Variants in A1CF observed in about 807,000 individuals in gnomAD.
A1CF encodes APOBEC-1 stimulating protein.
In A1CF, 48 loss-of-function variants were observed where a neutral mutation model predicts 68.9. The ratio of observed to expected loss-of-function variants is 0.70; its 90% CI spans 0.55 to 0.89. A1CF has a LOEUF of 0.89. Among genes scored for constraint, A1CF ranks in the 40% least tolerant of loss-of-function variants. The pLI, the probability that A1CF is intolerant of heterozygous loss-of-function variation, is 0.00. For missense variants in A1CF, 653 were observed against 718.9 expected (o/e 0.91, Z 1.05); for synonymous variants, 272 against 260.4 (o/e 1.04, Z -0.43).
At chr10:50,861,134 C>T (rs780282888) in intron 2 of A1CF, among the ~76,000 whole-genome samples, 17 of 152,038 alleles carry the variant, frequency 1.1e-4, no homozygotes, top group Non-Finnish European at 1.9e-4. Context: ...ATATAAGAAA[C>T]TGGGTGAAAA....
At chr10:50,837,495 G>A (rs887601549) in intron 5 of A1CF, among the ~76,000 whole-genome samples, 4 of 152,208 alleles carry the variant, frequency 2.6e-5, no homozygotes, top group Non-Finnish European at 5.9e-5. Flanking sequence ...TATGTTTAAG[G>A]ATATTTATTA....
chr10:50,843,878 T>C, intron 4 of A1CF, 110 bp downstream of exon 4: 1 of 1,314,270 alleles, frequency 7.6e-7, no homozygotes, highest in South Asian at 1.3e-5. Context: ...GAATGGTAAT[T>C]GGAATGGAAA....
At chr10:50,821,429 C>T (rs987174391) in intron 7 of A1CF, among the ~76,000 whole-genome samples, 6 of 152,104 alleles carry the variant, frequency 3.9e-5, no homozygotes, top group African/African-American at 1.4e-4. Context: ...AAAAATAAAA[C>T]AATTTAATGT....
intron 3 of A1CF, among the ~76,000 whole-genome samples, chr10:50,855,120 A>G (rs1321922483): frequency 6.6e-6 from 1 of 151,922 alleles, no homozygotes; most frequent in Non-Finnish European, 1.5e-5. Flanking sequence ...ATATGAGAAT[A>G]TATTTTTCTA....
chr10:50,816,307 C>A, intron 8 of A1CF, 28 bp from the exon 9 acceptor site: 1 of 1,608,740 alleles, frequency 6.2e-7, no homozygotes, highest in Non-Finnish European at 8.5e-7. Context: ...GAAATATCAA[C>A]GCGAGATGAT....
chr10:50,816,338 C>T, intron 8 of A1CF, 59 bp from the exon 9 acceptor site: 1 of 1,558,732 alleles, frequency 6.4e-7, no homozygotes, highest in Admixed American at 1.7e-5. Context: ...CCAAGTGTGG[C>T]TGAGCCCTAA....
chr10:50,829,399 G>A lies in A1CF; in HGVS notation c.605-1104C>T, dbSNP rs114454511. On this transcript the variant is annotated intron_variant, in intron 6 of 12. Coordinates refer to ENST00000373997, the MANE Select transcript of A1CF (RefSeq NM_014576.4). ...AACTTTATCCCGTAAGCAATACAAA[G>A]CTTGAGAGAACAAAATCAGGAACTC... 7.1e-3 allele frequency among the ~76,000 whole-genome samples: 1,074 copies of A among 152,256 alleles called. 16 individuals are homozygous for A. The highest frequency in any genetic ancestry group is 0.024 in the African/African-American group (984 of 41,564).
At chr10:50,825,971 G>C (rs1340938983) in intron 7 of A1CF, among the ~76,000 whole-genome samples, 1 of 152,102 alleles carries the variant, frequency 6.6e-6, no homozygotes, top group African/African-American at 2.4e-5. Flanking sequence ...AGACAGGCCT[G>C]GGATGCTGCT....
intron 3 of A1CF, among the ~76,000 whole-genome samples, chr10:50,848,942 A>T (rs1304035475): frequency 6.6e-6 from 1 of 152,208 alleles, no homozygotes; most frequent in Non-Finnish European, 1.5e-5. Flanking sequence ...GGCATGGAGG[A>T]CATCACTCTT....
At position 50,805,946 on chromosome 10, in the gene A1CF, A is replaced by G. The variant is rs1003396299; in HGVS notation, c.*783T>C. The G allele has an allele frequency of 1.3e-5, 2 of 152,246 alleles. No individual in the cohort carries two copies. Among genetic ancestry groups the G allele is most frequent in the African/African-American group, 4.8e-5 (2 of 41,476 alleles). The allele number at this position is 152,246 out of a possible 1,614,324, so 9.4% of individuals were successfully genotyped here. On this transcript the variant is annotated 3_prime_UTR_variant, in exon 13 of 13. Coordinates refer to ENST00000373997, the MANE Select transcript of A1CF (RefSeq NM_014576.4). ...CAATATGAACAAGTCAAAAAATTTT[A>G]AAGTAGAAAAGGTCATTTCATGCTG...
intron 1 of A1CF, among the ~76,000 whole-genome samples, chr10:50,884,559 A>T (rs12254249): frequency 0.22 from 34,115 of 152,196 alleles, 4,473 homozygotes; most frequent in South Asian, 0.32. Context: ...GAGCAGACCA[A>T]CACATTTTTT....
rs71457594 is a variant in A1CF at position 50,853,823 on chromosome 10, T to TA, written c.99+6018dup. 1.5e-3 allele frequency among the ~76,000 whole-genome samples: 219 copies of TA among 148,184 alleles called. 2 individuals carry two copies. The highest frequency in any genetic ancestry group is 0.011 in the South Asian group (53 of 4,692). ...TTTTTTAAAAAAAATGCTTAAAATGTAAAAAAAAAATCATATCTTGCAATT... is the reference window on the plus strand; with the variant it reads ...TTTTTTAAAAAAAATGCTTAAAATGTAAAAAAAAAAATCATATCTTGCAATT... On this transcript the variant is annotated intron_variant, in intron 3 of 12. Transcript: ENST00000373997.
At chr10:50,821,145 T>C (rs904465249) in intron 7 of A1CF, among the ~76,000 whole-genome samples, 1 of 152,196 alleles carries the variant, frequency 6.6e-6, no homozygotes, top group South Asian at 2.1e-4. Flanking sequence ...GAACTGAGAT[T>C]TAGAGTGCAC....
At chr10:50,811,522 T>C (rs1432519420) in intron 10 of A1CF, among the ~76,000 whole-genome samples, 9 of 152,242 alleles carry the variant, frequency 5.9e-5, no homozygotes, top group Non-Finnish European at 1.3e-4. Flanking sequence ...TAGATTTGTA[T>C]AGATTTACTC....
At chr10:50,810,470 T>C (rs996581850) in intron 11 of A1CF, among the ~76,000 whole-genome samples, 13 of 152,168 alleles carry the variant, frequency 8.5e-5, no homozygotes, top group Non-Finnish European at 1.3e-4. Context: ...ACTGCACAGA[T>C]GAAAGAATGG....
Position 50,850,592 on chromosome 10 carries a change from T to TTGTG in A1CF, c.100-6474_100-6471dup, listed in dbSNP as rs58342464. 321 of 1,447,726 alleles carry TTGTG rather than the reference T, an allele frequency of 2.2e-4. No individual in the cohort carries two copies. In the African/African-American group the frequency reaches 2.7e-3, roughly 12 times the overall value. The allele number at this position is 1,447,726 out of a possible 1,614,324, so 89.7% of individuals were successfully genotyped here. A position where few individuals can be genotyped will look rare whatever the true frequency, so the allele number is the denominator to read the frequency against. ...TTCAAAATTAGAAAACAAAAAGCAT[T>TTGTG]TGTGTGTGTGTGTGTGTTTCTGTAA... On this transcript the variant is annotated intron_variant, in intron 3 of 12. Coordinates refer to ENST00000373997, the MANE Select transcript of A1CF (RefSeq NM_014576.4).
intron 7 of A1CF, among the ~76,000 whole-genome samples, chr10:50,827,224 C>T (rs552066549): frequency 1.2e-4 from 19 of 152,150 alleles, no homozygotes; most frequent in South Asian, 4.1e-4. Context: ...GACAGATCAA[C>T]GAGACAGAAA....
At chr10:50,854,308 T>C (rs1385099200) in intron 3 of A1CF, among the ~76,000 whole-genome samples, 10 of 152,086 alleles carry the variant, frequency 6.6e-5, no homozygotes, top group Non-Finnish European at 1.3e-4. Flanking sequence ...CCTTCAGATT[T>C]TTAACTAAAT....
chr10:50,818,229 A>G (rs974907746), intron 8 of A1CF, among the ~76,000 whole-genome samples: 1 of 152,196 alleles, frequency 6.6e-6, no homozygotes, highest in Non-Finnish European at 1.5e-5. Context: ...TGTATTAAAA[A>G]GTCAGTTCTT....
Sources: allele counts gnomAD v4.1 joint callset (sites outside exome capture counted in the v4.1 genomes callset), GRCh38; gene constraint gnomAD v4.1.1; transcripts MANE v1.5; gene names NCBI Gene and HGNC (gene_info 2026-07-23, HGNC 2026-07-21).